Variants in LDLRAD3 observed in about 807,000 individuals in gnomAD.
LDLRAD3 encodes low density lipoprotein receptor class A domain containing 3, also known as low-density lipoprotein receptor class A domain-containing protein 3.
A neutral mutation model predicts 29.4 loss-of-function variants in LDLRAD3; 20 were observed. The observed-to-expected ratio is 0.68, with a 90% CI of 0.48 to 0.99. The LOEUF (loss-of-function observed/expected upper bound fraction) is 0.99, where lower values mean the gene tolerates loss of function less well. Ranked by LOEUF, LDLRAD3 falls within the 50% of genes least tolerant of loss-of-function variation. The pLI is 0.00. For missense variants in LDLRAD3, 420 were observed against 454.3 expected (o/e 0.92, Z 0.69); for synonymous variants, 157 against 192.7 (o/e 0.81, Z 1.53).
intron 4 of LDLRAD3, among the ~76,000 whole-genome samples, chr11:36,192,223 C>T (rs61879013): frequency 0.071 from 10,805 of 152,296 alleles, 497 homozygotes; most frequent in East Asian, 0.19. Context: ...AACAATTGGT[C>T]TGTGACAGTA....
chr11:36,046,667 C>T (rs1328508426), intron 2 of LDLRAD3, among the ~76,000 whole-genome samples: 1 of 152,170 alleles, frequency 6.6e-6, no homozygotes, highest in Non-Finnish European at 1.5e-5. Flanking sequence ...ACCTGCTACA[C>T]TGGGTAAATA....
rs565725910 is a variant in LDLRAD3, at chr11:36,043,099, C to G, written c.193+6850C>G. On this transcript the variant is annotated intron_variant, in intron 2 of 5. Transcript: ENST00000315571. ...GGCCAAGGTGGGCAGATCGTTTGAG[C>G]CCAAGAATTTGAGACCAGCCTGGGC... Among the ~76,000 whole-genome samples, 9 of 152,264 alleles carry G rather than the reference C, an allele frequency of 5.9e-5. No individual in the cohort carries two copies. In the South Asian group the frequency reaches 1.9e-3, roughly 32 times the overall value.
At chr11:36,148,403 G>T (rs2133324881) in intron 4 of LDLRAD3, among the ~76,000 whole-genome samples, 1 of 152,144 alleles carries the variant, frequency 6.6e-6, no homozygotes, top group East Asian at 1.9e-4. Flanking sequence ...GTGACTGTAG[G>T]GGCATCTCGG....
intron 2 of LDLRAD3, among the ~76,000 whole-genome samples, chr11:36,080,151 C>T (rs1406669096): frequency 6.6e-6 from 1 of 152,178 alleles, no homozygotes; most frequent in Non-Finnish European, 1.5e-5. Context: ...AGAAATGGCC[C>T]TTCCTTCTTG....
chr11:35,965,484 G>A (rs549879922), intron 1 of LDLRAD3, among the ~76,000 whole-genome samples: 35 of 152,312 alleles, frequency 2.3e-4, no homozygotes, highest in Non-Finnish European at 4.3e-4. Context: ...TGTGGCTGGG[G>A]GCCATGGGAG....
Position 35,944,228 on chromosome 11 carries a change from T to A in LDLRAD3, c.46+84T>A. ...GCAGCGGCCGGGTGCGATCGCGTCC[T>A]CTCCCGGGCGCGGGCCGCTCTCCGG... On this transcript the variant is annotated intron_variant, in intron 1 of 5. Coordinates refer to ENST00000315571, the MANE Select transcript of LDLRAD3 (RefSeq NM_174902.4). The surrounding 1 kb of genome is among the most constrained non-coding windows in gnomAD (Gnocchi z 4.9). 1.2e-6 allele frequency: 1 copy of A among 812,186 alleles called. No individual in the cohort carries two copies. Among genetic ancestry groups the A allele is most frequent in the Non-Finnish European group, 1.5e-6 (1 of 671,322 alleles). 50.3% of individuals were successfully genotyped at this position (812,186 alleles called of 1,614,324 possible).
chr11:36,029,452 C>T (rs930743059), intron 1 of LDLRAD3, among the ~76,000 whole-genome samples: 2 of 152,158 alleles, frequency 1.3e-5, no homozygotes, highest in East Asian at 3.8e-4. Flanking sequence ...CAAACAGCAT[C>T]TTCCAGAGTT....
chr11:36,052,583 G>A (rs1269582719), intron 2 of LDLRAD3, among the ~76,000 whole-genome samples: 1 of 152,202 alleles, frequency 6.6e-6, no homozygotes, highest in Non-Finnish European at 1.5e-5. Context: ...AAGCTTGACA[G>A]AGGCCAACAT....
intron 3 of LDLRAD3, among the ~76,000 whole-genome samples, chr11:36,089,288 A>G (rs949499093): frequency 5.3e-5 from 8 of 151,800 alleles, no homozygotes; most frequent in Non-Finnish European, 1.0e-4. Context: ...CTTTTTATAG[A>G]TAAGGGAACA....
At chr11:36,228,831 G>C (rs1273531171) in intron 5 of LDLRAD3, among the ~76,000 whole-genome samples, 1 of 152,102 alleles carries the variant, frequency 6.6e-6, no homozygotes, top group African/African-American at 2.4e-5. Flanking sequence ...TTGGCCACAG[G>C]GCTTTTGGCT....
chr11:36,025,128 A>G (rs1852146295), intron 1 of LDLRAD3, among the ~76,000 whole-genome samples: 1 of 152,186 alleles, frequency 6.6e-6, no homozygotes, highest in Non-Finnish European at 1.5e-5. Flanking sequence ...TCCAGTATGA[A>G]TGCTTGCCCC....
intron 2 of LDLRAD3, among the ~76,000 whole-genome samples, chr11:36,066,866 A>AC (rs1445179388): frequency 7.2e-5 from 11 of 152,168 alleles, no homozygotes; most frequent in African/African-American, 2.7e-4. Context: ...AAGTTTCTTC[A>AC]GAAAAAACAA....
At chr11:36,114,627 C>G (rs185904136) in intron 4 of LDLRAD3, among the ~76,000 whole-genome samples, 1,528 of 152,292 alleles carry the variant, frequency 0.01, 20 homozygotes, top group African/African-American at 0.034. Context: ...GATGCCTTGT[C>G]CTCATTAGCT....
chr11:36,112,162 T>G (rs1284050018), intron 4 of LDLRAD3, among the ~76,000 whole-genome samples: 1 of 152,246 alleles, frequency 6.6e-6, no homozygotes, highest in Non-Finnish European at 1.5e-5. Flanking sequence ...TCCTTTTTAA[T>G]GCAGGCTTGT....
chr11:36,139,595 A>G (rs1334180582), intron 4 of LDLRAD3, among the ~76,000 whole-genome samples: 1 of 152,176 alleles, frequency 6.6e-6, no homozygotes, highest in African/African-American at 2.4e-5. Flanking sequence ...TTAACAGGAA[A>G]GATATCTGAG....
chr11:36,190,206 T>C (rs371005943), intron 4 of LDLRAD3, among the ~76,000 whole-genome samples: 17 of 152,104 alleles, frequency 1.1e-4, no homozygotes, highest in African/African-American at 3.9e-4. Context: ...AAAAATAAGA[T>C]GCCTCCCCTC....
chr11:36,098,079 T>G (rs757226616), intron 3 of LDLRAD3, among the ~76,000 whole-genome samples: 2 of 152,250 alleles, frequency 1.3e-5, no homozygotes, highest in African/African-American at 2.4e-5. Context: ...ATTCAGTTAT[T>G]AAGCAGACTT....
chr11:36,046,218 G>A (rs1040754968), intron 2 of LDLRAD3, among the ~76,000 whole-genome samples: 10 of 152,162 alleles, frequency 6.6e-5, no homozygotes, highest in African/African-American at 2.2e-4. Flanking sequence ...TGATCTGATG[G>A]TTTTATGAAT....
At chr11:36,084,037 G>C (rs1319158234) in intron 3 of LDLRAD3, among the ~76,000 whole-genome samples, 1 of 151,958 alleles carries the variant, frequency 6.6e-6, no homozygotes, top group African/African-American at 2.4e-5. Flanking sequence ...TTCTACCTCA[G>C]CCTTGTGAGT....
Sources: allele counts gnomAD v4.1 joint callset (sites outside exome capture counted in the v4.1 genomes callset), GRCh38; gene constraint gnomAD v4.1.1; non-coding constraint Gnocchi (gnomAD v3.1); transcripts MANE v1.5; gene names NCBI Gene and HGNC (gene_info 2026-07-23, HGNC 2026-07-21).